The following SHANK2 variants were observed in gnomAD, a reference collection of about 807,000 sequenced individuals.
The protein encoded by SHANK2 is SH3 and multiple ankyrin repeat domains protein 2.
Under a neutral mutation model 133.7 loss-of-function variants are expected in SHANK2, and 43 were observed. That is an observed-to-expected ratio of 0.32 (90% CI 0.25 to 0.41). SHANK2 has a LOEUF of 0.41. Ranked by LOEUF, SHANK2 falls within the 10% of genes least tolerant of loss-of-function variation. The pLI is 1.00. For synonymous variants in SHANK2, 1,017 were observed against 952.8 expected (o/e 1.07, Z -1.24); for missense variants, 1,994 against 2,235.8 (o/e 0.89, Z 2.18).
intron 16 of SHANK2, among the ~76,000 whole-genome samples, chr11:70,660,358 C>T (rs1555012920): frequency 2.0e-5 from 3 of 152,220 alleles, no homozygotes; most frequent in African/African-American, 2.4e-5. Flanking sequence ...TTTACATCTA[C>T]GTAGACTCGC....
At chr11:71,246,303 AC>A (rs1382532293) in intron 1 of SHANK2, among the ~76,000 whole-genome samples, 2 of 151,034 alleles carry the variant, frequency 1.3e-5, no homozygotes, top group Non-Finnish European at 3.0e-5. Flanking sequence ...GCCATTCCCC[AC>A]CCCCACCGAG....
chr11:70,798,511 C>A lies in SHANK2; in HGVS notation c.1709G>T (p.Gly570Val), dbSNP rs535690828. The part of the protein sequence containing the change: ...EGGFWEGSAR[G>V]HIGWFPAECV... ...CTCCGCCGGAAACCATCCGATGTGG[C>A]CGCGGGCGCTGCCTTCCCAGAAGCC... is the stretch of plus-strand genomic sequence containing the variant. The change falls in exon 14 of 26, where the codon GGC becomes GTC. Residue 570 changes from glycine to valine, a missense_variant. Gly to Val is a moderately radical substitution (Grantham distance 109, BLOSUM62 -3). Transcript: ENST00000601538. The A allele has an allele frequency of 1.4e-6, 1 of 718,620 alleles. No individual in the cohort carries two copies. Among genetic ancestry groups the A allele is most frequent in the East Asian group, 2.7e-5 (1 of 37,276 alleles). The allele number at this position is 718,620 out of a possible 1,614,324, so 44.5% of individuals were successfully genotyped here.
chr11:70,946,837 C>G (rs1950749384), intron 10 of SHANK2, among the ~76,000 whole-genome samples: 1 of 147,666 alleles, frequency 6.8e-6, no homozygotes, highest in Non-Finnish European at 1.5e-5. Context: ...CTAACCAACC[C>G]TTCCCAGGCT....
At chr11:70,618,602 ACTTAGAGCAGAATTACGAGG>A (rs2060788434) in intron 17 of SHANK2, among the ~76,000 whole-genome samples, 1 of 152,176 alleles carries the variant, frequency 6.6e-6, no homozygotes, top group Non-Finnish European at 1.5e-5. Context: ...AAGGCTGGCT[ACTTAGAGCAGAATTACGAGG>A]CATTTCAGCT....
chr11:70,573,997 C>G (rs1233582273), intron 17 of SHANK2, among the ~76,000 whole-genome samples: 2 of 152,174 alleles, frequency 1.3e-5, no homozygotes, highest in Non-Finnish European at 2.9e-5. Context: ...GCACCTGGCC[C>G]CCAGCCCGGG....
intron 3 of SHANK2, among the ~76,000 whole-genome samples, chr11:71,130,931 G>A (rs555852007): frequency 3.9e-5 from 6 of 152,332 alleles, no homozygotes; most frequent in South Asian, 2.1e-4. Flanking sequence ...TTCTGAGCAC[G>A]TCATTCATTA....
chr11:71,126,655 T>C (rs1172517295), intron 3 of SHANK2, among the ~76,000 whole-genome samples: 1 of 152,100 alleles, frequency 6.6e-6, no homozygotes, highest in Admixed American at 6.5e-5. Flanking sequence ...AGAATATTCA[T>C]GTTTCATAAG....
chr11:71,146,323 C>G (rs112718186), intron 3 of SHANK2, among the ~76,000 whole-genome samples: 2 of 151,634 alleles, frequency 1.3e-5, no homozygotes, highest in Non-Finnish European at 3.0e-5. Context: ...CCTCTGCACA[C>G]GAAGCTCCCC....
chr11:70,486,701 G>A lies in SHANK2; in HGVS notation c.3592C>T (p.Pro1198Ser), dbSNP rs1378332671. 3.1e-6 allele frequency: 5 copies of A among 1,610,538 alleles called. No individual in the cohort carries two copies. Among genetic ancestry groups the A allele is most frequent in the East Asian group, 2.2e-5 (1 of 44,870 alleles). Residue 1198 changes from proline to serine, a missense_variant, in exon 25 of 26, where the codon CCC becomes TCC. By Grantham distance (74) the Pro-to-Ser change is moderately conservative. Transcript: ENST00000601538. This position sits in a 1 kb window ranked among gnomAD's most constrained non-coding sequence, Gnocchi z 8.0. ...VPSASSGTAG[P>S]GNYVHPLTGR... is the part of the protein sequence containing the mutation. ...GTGAGTGGGTGGACATAATTCCCGGGGCCGGCTGTGCCGCTGCTCGCGGAG... is the reference window on the plus strand; with the variant it reads ...GTGAGTGGGTGGACATAATTCCCGGAGCCGGCTGTGCCGCTGCTCGCGGAG...
rs556490752 is a variant in SHANK2 at position 70,482,882 on chromosome 11, C to T, written c.4979+2432G>A. ...ATGCAGGGCAGAGAAACCCTAGAGACGCTGCAAGTTGGGGTCCCACTCCCC... is the reference window on the plus strand; with the variant it reads ...ATGCAGGGCAGAGAAACCCTAGAGATGCTGCAAGTTGGGGTCCCACTCCCC... On this transcript the variant is annotated intron_variant, in intron 25 of 25. Transcript: ENST00000601538. Among the ~76,000 whole-genome samples, 648 of 152,318 alleles carry T rather than the reference C, an allele frequency of 4.3e-3. 3 individuals are homozygous for T. The highest frequency in any genetic ancestry group is 5.9e-3 in the Non-Finnish European group (402 of 68,020).
intron 1 of SHANK2, among the ~76,000 whole-genome samples, chr11:71,238,451 ACCAAGGC>A (rs1297977140): frequency 2.0e-5 from 3 of 152,178 alleles, no homozygotes; most frequent in Non-Finnish European, 4.4e-5. Flanking sequence ...GGATAAGAAA[ACCAAGGC>A]CCAGAGAGGC....
At chr11:70,914,668 T>TAAATAAAATAAAACA (rs1950243355) in intron 10 of SHANK2, among the ~76,000 whole-genome samples, 7 of 107,294 alleles carry the variant, frequency 6.5e-5, no homozygotes, top group Admixed American at 2.1e-4. Context: ...ACAAAAAAAA[T>TAAATAAAATAAAACA]AAATAAAATA....
At chr11:71,162,899 C>T (rs1397174215) in intron 2 of SHANK2, among the ~76,000 whole-genome samples, 1 of 151,294 alleles carries the variant, frequency 6.6e-6, no homozygotes, top group Non-Finnish European at 1.5e-5. Flanking sequence ...GGTGAAACCC[C>T]GTCTCTACTA....
At chr11:70,543,849 C>T (rs78099730) in intron 17 of SHANK2, among the ~76,000 whole-genome samples, 52 of 152,320 alleles carry the variant, frequency 3.4e-4, no homozygotes, top group African/African-American at 1.2e-3. Flanking sequence ...GATCAACACA[C>T]TCTCCAGGTG....
intron 3 of SHANK2, among the ~76,000 whole-genome samples, chr11:71,125,030 C>T (rs1292082643): frequency 1.3e-5 from 2 of 152,026 alleles, no homozygotes; most frequent in African/African-American, 2.4e-5. Flanking sequence ...TGGCATGAAC[C>T]ACACCCATAT....
chr11:70,493,605 C>T (rs993281001), intron 21 of SHANK2, among the ~76,000 whole-genome samples: 2 of 152,014 alleles, frequency 1.3e-5, no homozygotes, highest in Non-Finnish European at 2.9e-5. Flanking sequence ...GCCACTGAGA[C>T]CTGGAGAGCT....
At position 70,500,523 on chromosome 11, in the gene SHANK2, G is replaced by A. The variant is rs1555158152; in HGVS notation, c.2308+47C>T. 3 of 1,585,974 alleles carry A rather than the reference G, an allele frequency of 1.9e-6. No homozygotes were observed. The highest frequency in any genetic ancestry group is 1.8e-5 in the Admixed American group (1 of 55,942). ...TCACAAAGGATGTTTCTGTTCCACA[G>A]GGGGGTGATGGGCAGGGGGCTGAGA... On this transcript the variant is annotated intron_variant, in intron 21 of 25. Transcript: ENST00000601538. This position sits in a 1 kb window ranked among gnomAD's most constrained non-coding sequence, Gnocchi z 4.5.
chr11:71,158,927 G>T (rs1212498228), intron 2 of SHANK2, among the ~76,000 whole-genome samples: 1 of 152,172 alleles, frequency 6.6e-6, no homozygotes. Flanking sequence ...ACACACAAAC[G>T]CATTCCAGAT....
At chr11:70,600,662 C>T (rs1405266192) in intron 17 of SHANK2, among the ~76,000 whole-genome samples, 5 of 152,078 alleles carry the variant, frequency 3.3e-5, no homozygotes, top group Admixed American at 6.6e-5. Context: ...TGGTTTATGA[C>T]GCCTCCAGCA....
Sources: gnomAD v4.1 joint callset for allele counts (sites outside exome capture counted in the v4.1 genomes callset) on GRCh38, gnomAD v4.1.1 for gene constraint, Gnocchi (gnomAD v3.1) non-coding constraint, MANE v1.5 for transcripts, NCBI Gene and HGNC (gene_info 2026-07-23, HGNC 2026-07-21) for gene names.